Variants in TTN observed in about 807,000 individuals in gnomAD.
The protein encoded by TTN is connectin.
TTN carries 1,525 observed loss-of-function variants against 3,223.0 expected under a neutral mutation model. That is an observed-to-expected ratio of 0.47 (90% confidence interval 0.45 to 0.49). The LOEUF (loss-of-function observed/expected upper bound fraction) is 0.49. Ranked by LOEUF, TTN falls within the 20% of genes least tolerant of loss-of-function variation. The pLI, the probability that TTN is intolerant of heterozygous loss-of-function variation, is 0.00. For missense variants in TTN, 40,786 were observed against 43,424.0 expected (o/e 0.94, Z 5.40); for synonymous variants, 14,094 against 15,161.0 (o/e 0.93, Z 5.17).
intron 145 of TTN, 71 bp from the exon 146 acceptor site, chr2:178,677,988 A>C (rs2068488323): frequency 1.3e-6 from 2 of 1,564,304 alleles, no homozygotes; most frequent in Non-Finnish European, 1.7e-6. Flanking sequence ...GAAGAAGCTT[A>C]TGAAAGGCAA....
rs1234192175 is a variant in TTN at position 178,722,032 on chromosome 2, A to G, written c.22631T>C (p.Met7544Thr). ...GTTATCTTTTGACCAAGTGATTCGC[A>G]TCGGTTGAGCACCAGTAACATGACA... ...FECHVTGAQP[M>T]RITWSKDNKE... Residue 7544 changes from methionine (M) to threonine (T), a missense_variant, in exon 78 of 363, where the codon ATG becomes ACG. Physicochemically the swap from Met to Thr is moderately conservative, Grantham distance 81. Coordinates refer to ENST00000589042, the MANE Select transcript of TTN (RefSeq NM_001267550.2). 6.2e-7 allele frequency: 1 copy of G among 1,613,526 alleles called. No homozygotes were observed. Among genetic ancestry groups the G allele is most frequent in the Non-Finnish European group, 8.5e-7 (1 of 1,179,574 alleles).
At position 178,725,650 on chromosome 2, in the gene TTN, C is replaced by T; in HGVS notation, c.20555-1G>A. 1 of 1,572,310 alleles carries T rather than the reference C, an allele frequency of 6.4e-7. No individual in the cohort carries two copies. The highest frequency in any genetic ancestry group is 1.2e-5 in the South Asian group (1 of 83,772). On this transcript the variant is annotated splice_acceptor_variant, in intron 70 of 362. Transcript: ENST00000589042. LOFTEE classifies it high-confidence loss of function. ...AGTTTGGAGACAAATCTTGGTGGTT[C>T]TGAACAGGAAAAGATGGATGGAAAT...
Position 178,534,505 on chromosome 2 carries a change from T to G in TTN, c.102110A>C (p.Glu34037Ala). Residue 34037 changes from glutamate (E) to alanine (A), a missense_variant, in exon 358 of 363, where the codon GAA (glutamate) becomes GCA (alanine). Physicochemically the swap from Glu to Ala is moderately radical, Grantham distance 107. Transcript: ENST00000589042. The stretch of plus-strand genomic sequence containing the variant: ...TTCAATGCTAATCTCTTTGAATGCT[T>G]CCTCATCGAAAGTATATTCAGCATT... ...IMNAEYTFDE[E>A]AFKEISIEAM... The G allele has an allele frequency of 6.2e-7, 1 of 1,613,854 alleles. No homozygotes were observed. Among genetic ancestry groups the G allele is most frequent in the Non-Finnish European group, 8.5e-7 (1 of 1,179,804 alleles).
rs753150519 is a variant in TTN at position 178,602,168 on chromosome 2, A to G, written c.55121-18T>C. ...TGGTTCCTCTGTAATACCACATACA[A>G]TTTAACAGGATTTAGCTCATATTTG... On this transcript the variant is annotated intron_variant, in intron 283 of 362. Coordinates refer to ENST00000589042, the MANE Select transcript of TTN (RefSeq NM_001267550.2). 5.0e-6 allele frequency: 8 copies of G among 1,595,534 alleles called. No homozygotes were observed. The highest frequency in any genetic ancestry group is 4.6e-5 in the South Asian group (4 of 87,842).
intron 111 of TTN, among the ~76,000 whole-genome samples, chr2:178,699,970 C>T (rs2074668439): frequency 6.6e-6 from 1 of 151,986 alleles, no homozygotes; most frequent in Non-Finnish European, 1.5e-5. Context: ...CCACCTCGGC[C>T]TCCCAAAGTG....
In TTN at chr2:178,633,823, C is replaced by T. The variant is rs1232583484; in HGVS notation, c.42676G>A (p.Val14226Ile). 6.2e-7 allele frequency: 1 copy of T among 1,613,024 alleles called. No homozygotes were observed. Among genetic ancestry groups the T allele is most frequent in the Admixed American group, 1.7e-5 (1 of 59,964 alleles). Residue 14226 changes from valine to isoleucine, a missense_variant, in exon 231 of 363, where the codon GTC (valine) becomes ATC (isoleucine). Coordinates refer to ENST00000589042, the MANE Select transcript of TTN (RefSeq NM_001267550.2). ...TATACTTGGTTACATTTACCTAAGA[C>T]CTTCAGCTGTGCTGTGGAGCTCAGC... ...KELSSTAQLK[V>I]LEADPYFTVK...
At chr2:178,709,502 C>A in intron 99 of TTN, 64 bp downstream of exon 99, 1 of 1,499,826 alleles carries the variant, frequency 6.7e-7, no homozygotes, top group Non-Finnish European at 9.0e-7. Flanking sequence ...ATAAGAAATG[C>A]TCATGGATAT....
Position 178,712,393 on chromosome 2 carries a change from C to T in TTN, c.27529G>A (p.Glu9177Lys). The T allele has an allele frequency of 5.6e-6, 9 of 1,613,818 alleles. No individual in the cohort carries two copies. Among genetic ancestry groups the T allele is most frequent in the Non-Finnish European group, 7.6e-6 (9 of 1,179,814 alleles). ...AILEIPSSTV[E>K]DAGQYNCYIE... ...TAGCAGTTGTATTGTCCTGCATCCT[C>T]TACTGTGCTACTTGGAATTTCCAGG... Residue 9177 changes from glutamate to lysine, a missense_variant, in exon 95 of 363, where the codon GAG becomes AAG. By Grantham distance (56) the Glu-to-Lys change is moderately conservative (BLOSUM62 1). Transcript: ENST00000589042.
chr2:178,594,529 T>C lies in TTN; in HGVS notation c.57965A>G (p.Glu19322Gly), dbSNP rs2050988778. ...GGSEIINYVLESRLIGTEKFH... is the reference protein window; with the variant it reads ...GGSEIINYVLGSRLIGTEKFH... ...CTTCTCAGTCCCAATGAGCCGACTTTCTAGGACATAGTTAATAATTTCTGA... is the reference window on the plus strand; with the variant it reads ...CTTCTCAGTCCCAATGAGCCGACTTCCTAGGACATAGTTAATAATTTCTGA... The change falls in exon 296 of 363, where the codon GAA (glutamate) becomes GGA (glycine). Residue 19322 changes from glutamate to glycine, a missense_variant. Transcript: ENST00000589042. 12 of 1,613,408 alleles carry C rather than the reference T, an allele frequency of 7.4e-6. No homozygotes were observed. The highest frequency in any genetic ancestry group is 1.0e-5 in the Non-Finnish European group (12 of 1,179,546).
At position 178,618,202 on chromosome 2, in the gene TTN, T is replaced by C; in HGVS notation, c.47256A>G (p.Ala15752=). Residue 15752 remains alanine, a synonymous_variant, in exon 252 of 363, where the codon GCA becomes GCG. Transcript: ENST00000589042. ...AAAACTTCTTACCATATTTACTCCT[T>C]GCTTCTACAGGATTGTCAGTTTCTA... ...EPVETDNPVE[A]RSKYDVPGPP... is the part of the protein sequence containing the mutation. The C allele has an allele frequency of 6.2e-7, 1 of 1,612,498 alleles. No homozygotes were observed. Among genetic ancestry groups the C allele is most frequent in the Non-Finnish European group, 8.5e-7 (1 of 1,179,084 alleles).
intron 49 of TTN, 35 bp from the exon 50 acceptor site, chr2:178,736,109 C>T (rs772204746): frequency 3.3e-6 from 5 of 1,514,620 alleles, no homozygotes; most frequent in Non-Finnish European, 4.4e-6. Flanking sequence ...TACATTTAGT[C>T]CCCACCAAAG....
chr2:178,531,571 A>G lies in TTN; in HGVS notation c.105044T>C (p.Val35015Ala). The change falls in exon 358 of 363, where the codon GTG (valine) becomes GCG (alanine). Residue 35015 changes from valine to alanine, a missense_variant. Coordinates refer to ENST00000589042, the MANE Select transcript of TTN (RefSeq NM_001267550.2). ...AGCTTCGCCCTTGTAGTTGGTGCACACAGCACGGTAGGTTCCACTGTCATC... is the reference window on the plus strand; with the variant it reads ...AGCTTCGCCCTTGTAGTTGGTGCACGCAGCACGGTAGGTTCCACTGTCATC... ...HTDDSGTYRA[V>A]CTNYKGEASD... The G allele has an allele frequency of 6.2e-7, 1 of 1,613,972 alleles. No homozygotes were observed. The highest frequency in any genetic ancestry group is 8.5e-7 in the Non-Finnish European group (1 of 1,179,868).
In TTN at chr2:178,537,251, G is replaced by T; in HGVS notation, c.99866-8C>A. ...TAGGTTTGTCTGGTTTATCTGTTGG[G>T]GGAAAATACAATTGTGGTGGTTTTC... On this transcript the variant is annotated splice_region_variant and splice_polypyrimidine_tract_variant and intron_variant, in intron 355 of 362. Coordinates refer to ENST00000589042, the MANE Select transcript of TTN (RefSeq NM_001267550.2). 1 of 1,574,682 alleles carries T rather than the reference G, an allele frequency of 6.4e-7. No individual in the cohort carries two copies. Among genetic ancestry groups the T allele is most frequent in the South Asian group, 1.2e-5 (1 of 84,484 alleles).
At position 178,591,633 on chromosome 2, in the gene TTN, G is replaced by C. The variant is rs1403249185; in HGVS notation, c.60186C>G (p.Asp20062Glu). ...CTTGACATTCTATCGGGATAGTTGT[G>C]TCAGGGAGACCAAGACCCACAATGT... ...AENIVGLGLPDTTIPIECQEK... is the reference protein window; with the variant it reads ...AENIVGLGLPETTIPIECQEK... Residue 20062 changes from aspartate to glutamate, a missense_variant, in exon 303 of 363, where the codon GAC becomes GAG. Asp to Glu is a conservative substitution (Grantham distance 45, BLOSUM62 2). Transcript: ENST00000589042. 6.2e-7 allele frequency: 1 copy of C among 1,613,348 alleles called. No homozygotes were observed. Among genetic ancestry groups the C allele is most frequent in the East Asian group, 2.2e-5 (1 of 44,824 alleles).
At chr2:178,676,362 T>C (rs551037592) in intron 147 of TTN, among the ~76,000 whole-genome samples, 19 of 151,920 alleles carry the variant, frequency 1.3e-4, no homozygotes, top group Non-Finnish European at 2.8e-4. Context: ...CAATAAAAGA[T>C]CAGCTTTACT....
intron 16 of TTN, 90 bp from the exon 17 acceptor site, chr2:178,783,875 A>C: frequency 2.0e-6 from 2 of 1,001,240 alleles, no homozygotes; most frequent in Non-Finnish European, 2.7e-6. Flanking sequence ...TATAATTATA[A>C]AAATATAAAA....
chr2:178,699,980 G>T (rs2074670326), intron 111 of TTN, among the ~76,000 whole-genome samples: 1 of 151,978 alleles, frequency 6.6e-6, no homozygotes, highest in African/African-American at 2.4e-5. Flanking sequence ...CTCCCAAAGT[G>T]CTGGGATTAC....
At position 178,732,589 on chromosome 2, in the gene TTN, A is replaced by G; in HGVS notation, c.16472T>C (p.Val5491Ala). Residue 5491 changes from valine (V) to alanine (A), a missense_variant, in exon 56 of 363, where the codon GTT becomes GCT. Val to Ala is a moderately conservative substitution (Grantham distance 64). Transcript: ENST00000589042. ...IRWFKGNKEL[V>A]SGGSCYITKE... ...GGTAATATAGCAGCTTCCACCAGAA[A>G]CCAGCTCTTTGTTGCCCTTAAACCA... 6.2e-7 allele frequency: 1 copy of G among 1,613,616 alleles called. No homozygotes were observed. The highest frequency in any genetic ancestry group is 8.5e-7 in the Non-Finnish European group (1 of 1,179,736).
chr2:178,636,843 G>C lies in TTN; in HGVS notation c.40928-44C>G. The C allele has an allele frequency of 6.6e-7, 1 of 1,512,482 alleles. No homozygotes were observed. The highest frequency in any genetic ancestry group is 8.8e-7 in the Non-Finnish European group (1 of 1,133,802). The allele number at this position is 1,512,482 out of a possible 1,614,324, so 93.7% of individuals were successfully genotyped here. A position where few individuals can be genotyped will look rare whatever the true frequency, so the allele number is the denominator to read the frequency against. ...AAAAGTTGATTTGGCATCTCCTTAGGAGTCAGAAAGTTCATACTTGGCTGC... is the reference window on the plus strand; with the variant it reads ...AAAAGTTGATTTGGCATCTCCTTAGCAGTCAGAAAGTTCATACTTGGCTGC... On this transcript the variant is annotated intron_variant, in intron 224 of 362. Coordinates refer to ENST00000589042, the MANE Select transcript of TTN (RefSeq NM_001267550.2). The surrounding 1 kb of genome is among the most constrained non-coding windows in gnomAD (Gnocchi z 4.3).
Sources: gnomAD v4.1 joint callset for allele counts (sites outside exome capture counted in the v4.1 genomes callset) on GRCh38, gnomAD v4.1.1 for gene constraint, Gnocchi (gnomAD v3.1) non-coding constraint, MANE v1.5 for transcripts, NCBI Gene and HGNC (gene_info 2026-07-23, HGNC 2026-07-21) for gene names.